The following SCN8A variants were observed in gnomAD, a reference collection of about 807,000 sequenced individuals.
SCN8A encodes sodium channel protein type 8 subunit alpha.
A neutral mutation model predicts 184.1 loss-of-function variants in SCN8A; 30 were observed. The ratio of observed to expected loss-of-function variants is 0.16; its 90% CI spans 0.12 to 0.22. The LOEUF (loss-of-function observed/expected upper bound fraction) is 0.22, where lower values mean the gene tolerates loss of function less well. Ranked by LOEUF, SCN8A falls within the 10% of genes least tolerant of loss-of-function variation. SCN8A has a pLI of 1.00. For missense variants in SCN8A, 1,057 were observed against 2,498.9 expected, an observed-to-expected ratio of 0.42 and a Z score of 12.30; for synonymous variants, 852 against 907.0, an observed-to-expected ratio of 0.94 and a Z score of 1.09.
chr12:51,715,708 A>G (rs1941954688), intron 11 of SCN8A, among the ~76,000 whole-genome samples: 1 of 151,776 alleles, frequency 6.6e-6, no homozygotes, highest in African/African-American at 2.4e-5. Context: ...TTTTATTGTA[A>G]AATGCATAAA....
At chr12:51,747,553 C>T (rs1942532213) in intron 13 of SCN8A, among the ~76,000 whole-genome samples, 3 of 152,122 alleles carry the variant, frequency 2.0e-5, no homozygotes, top group South Asian at 2.1e-4. Context: ...TTGGTAGAGA[C>T]ATCAGAACAG....
chr12:51,641,235 A>G (rs1300455763), intron 1 of SCN8A, among the ~76,000 whole-genome samples: 3 of 152,230 alleles, frequency 2.0e-5, no homozygotes, highest in Admixed American at 2.0e-4. Context: ...TGCATAGGTT[A>G]TATGCAAATA....
At chr12:51,713,357 A>T in intron 11 of SCN8A, 6 of 1,038,712 alleles carry the variant, frequency 5.8e-6, no homozygotes, top group Non-Finnish European at 7.5e-6. Flanking sequence ...TCAACACAAG[A>T]ATAAGTCACA....
At chr12:51,651,086 C>A (rs1940702204) in intron 1 of SCN8A, among the ~76,000 whole-genome samples, 1 of 152,208 alleles carries the variant, frequency 6.6e-6, no homozygotes, top group Admixed American at 6.5e-5. Context: ...TTAAGAATGC[C>A]TTTAAGCGGT....
Position 51,794,353 on chromosome 12 carries a change from C to T in SCN8A, c.4525-18C>T, listed in dbSNP as rs1216287308. 6.3e-7 allele frequency: 1 copy of T among 1,597,432 alleles called. No individual in the cohort carries two copies. Among genetic ancestry groups the T allele is most frequent in the Admixed American group, 1.7e-5 (1 of 58,646 alleles). Reference sequence around the variant, plus strand: ...GGTTTTCATGAATCTTTTATCTTTTCCTTCCCTTCCTCCCCAGAACAAAAT... The same window carrying T: ...GGTTTTCATGAATCTTTTATCTTTTTCTTCCCTTCCTCCCCAGAACAAAAT... On this transcript the variant is annotated intron_variant, in intron 25 of 26. Coordinates refer to ENST00000627620, the MANE Select transcript of SCN8A (RefSeq NM_001330260.2).
Position 51,769,090 on chromosome 12 carries a change from A to G in SCN8A, c.3127A>G (p.Asn1043Asp). The G allele has an allele frequency of 1.2e-6, 2 of 1,613,876 alleles. No homozygotes were observed. The highest frequency in any genetic ancestry group is 8.5e-7 in the Non-Finnish European group (1 of 1,179,832). ...GGATGAGTTGTATGAAAAGAAGGCC[A>G]ACTGTATCGCCAATCACACCGGTGC... ...PLDELYEKKA[N>D]CIANHTGADI... Residue 1043 changes from asparagine to aspartate, a missense_variant, in exon 17 of 27, where the codon AAC becomes GAC. By Grantham distance (23) the Asn-to-Asp change is conservative (BLOSUM62 1). Transcript: ENST00000627620.
intron 13 of SCN8A, among the ~76,000 whole-genome samples, chr12:51,747,230 A>G (rs891826071): frequency 2.0e-5 from 3 of 151,946 alleles, no homozygotes; most frequent in Non-Finnish European, 4.4e-5. Context: ...CTATAACTAG[A>G]CTGACCTTGA....
At chr12:51,742,010 A>C (rs1019243121) in intron 12 of SCN8A, among the ~76,000 whole-genome samples, 1 of 152,184 alleles carries the variant, frequency 6.6e-6, no homozygotes, top group Non-Finnish European at 1.5e-5. Flanking sequence ...GGCATAACCC[A>C]TTATTTTAAA....
intron 11 of SCN8A, chr12:51,712,366 A>G (rs899609784): frequency 6.1e-6 from 4 of 653,528 alleles, no homozygotes; most frequent in African/African-American, 5.4e-5. Flanking sequence ...AGTTCCTCTA[A>G]TGCATTTGGG....
intron 6 of SCN8A, among the ~76,000 whole-genome samples, chr12:51,694,156 C>T (rs938958436): frequency 6.6e-6 from 1 of 152,212 alleles, no homozygotes; most frequent in African/African-American, 2.4e-5. Context: ...TGGTCTTGAA[C>T]TCCTGACCTC....
At chr12:51,760,129 G>A (rs1384110645) in intron 14 of SCN8A, among the ~76,000 whole-genome samples, 1 of 152,160 alleles carries the variant, frequency 6.6e-6, no homozygotes, top group Non-Finnish European at 1.5e-5. Flanking sequence ...AACTTTGGGG[G>A]ACACATTCAA....
chr12:51,796,922 T>G (rs1181489532), intron 26 of SCN8A, among the ~76,000 whole-genome samples: 1 of 152,208 alleles, frequency 6.6e-6, no homozygotes, highest in Non-Finnish European at 1.5e-5. Flanking sequence ...TTTTTCTAGC[T>G]GAGCTGGCAG....
intron 10 of SCN8A, 44 bp downstream of exon 10, chr12:51,705,667 G>A: frequency 4.6e-6 from 7 of 1,537,594 alleles, no homozygotes; most frequent in Non-Finnish European, 6.2e-6. Context: ...GCCAGATCAT[G>A]GTGACTAAGA....
rs542762380 is a variant in SCN8A at position 51,782,523 on chromosome 12, C to G, written c.3942+1752C>G. Among the ~76,000 whole-genome samples, 3 of 152,366 alleles carry G rather than the reference C, an allele frequency of 2.0e-5. No individual in the cohort carries two copies. The South Asian group carries it at 6.2e-4, about 32-fold the overall frequency. ...AAAGTCCACTGAAGACAGTACTTGTCCTGAGCTCCTCCGCATCCCCTTACG... is the reference window on the plus strand; with the variant it reads ...AAAGTCCACTGAAGACAGTACTTGTGCTGAGCTCCTCCGCATCCCCTTACG... On this transcript the variant is annotated intron_variant, in intron 21 of 26. Coordinates refer to ENST00000627620, the MANE Select transcript of SCN8A (RefSeq NM_001330260.2).
At chr12:51,792,552 A>C (rs1404289647) in intron 25 of SCN8A, among the ~76,000 whole-genome samples, 1 of 151,394 alleles carries the variant, frequency 6.6e-6, no homozygotes, top group Non-Finnish European at 1.5e-5. Flanking sequence ...TTCCTGGCAG[A>C]ATACACAAGA....
chr12:51,731,919 T>G (rs1565903479), intron 12 of SCN8A, among the ~76,000 whole-genome samples: 1 of 152,252 alleles, frequency 6.6e-6, no homozygotes, highest in Non-Finnish European at 1.5e-5. Flanking sequence ...ATTGGATTAT[T>G]CTGTTTTTTC....
chr12:51,771,946 C>T (rs1942931962), intron 19 of SCN8A, among the ~76,000 whole-genome samples: 1 of 152,182 alleles, frequency 6.6e-6, no homozygotes, highest in African/African-American at 2.4e-5. Flanking sequence ...TCTTCTCTTT[C>T]CCATCTCTAC....
At chr12:51,752,032 G>A (rs1942603652) in intron 14 of SCN8A, among the ~76,000 whole-genome samples, 1 of 152,108 alleles carries the variant, frequency 6.6e-6, no homozygotes, top group African/African-American at 2.4e-5. Flanking sequence ...GGATTTGCCT[G>A]CTCTGTCAGG....
In SCN8A at chr12:51,765,651, T is replaced by C. The variant is rs756504801; in HGVS notation, c.2545-20T>C. The C allele has an allele frequency of 1.6e-6, 2 of 1,261,078 alleles. No homozygotes were observed. Among genetic ancestry groups the C allele is most frequent in the Non-Finnish European group, 2.1e-6 (2 of 958,728 alleles). 78.1% of individuals were successfully genotyped at this position (1,261,078 alleles called of 1,614,324 possible). A position where few individuals can be genotyped will look rare whatever the true frequency, so the allele number is the denominator to read the frequency against. On this transcript the variant is annotated intron_variant, in intron 15 of 26. Coordinates refer to ENST00000627620, the MANE Select transcript of SCN8A (RefSeq NM_001330260.2). Reference sequence around the variant, plus strand: ...ATTGAGTATCATTTATTTTTTTGTTTGGGTTTTTTTTTTCCTTAGCTCCGA... The same window carrying C: ...ATTGAGTATCATTTATTTTTTTGTTCGGGTTTTTTTTTTCCTTAGCTCCGA...
Sources: allele counts gnomAD v4.1 joint callset (sites outside exome capture counted in the v4.1 genomes callset), GRCh38; gene constraint gnomAD v4.1.1; transcripts MANE v1.5; gene names NCBI Gene and HGNC (gene_info 2026-07-23, HGNC 2026-07-21).